The following ARHGEF3 variants were observed in gnomAD, a reference collection of about 807,000 sequenced individuals.
The protein encoded by ARHGEF3 is 59.8 kDA protein.
In ARHGEF3, 28 loss-of-function variants were observed where a neutral mutation model predicts 63.2. That is an observed-to-expected ratio of 0.44 (90% CI 0.33 to 0.61). ARHGEF3 has a LOEUF of 0.61. ARHGEF3 is among the 20% of genes least tolerant of loss of function. The pLI is 0.03. For missense variants in ARHGEF3, 533 were observed against 659.3 expected (o/e 0.81, Z 2.10); for synonymous variants, 266 against 254.2 (o/e 1.05, Z -0.44).
intron 4 of ARHGEF3, among the ~76,000 whole-genome samples, chr3:56,877,946 G>T (rs1342404945): frequency 1.3e-5 from 2 of 152,138 alleles, no homozygotes; most frequent in Non-Finnish European, 2.9e-5. Flanking sequence ...TTAAAGGTTT[G>T]TATATAATGA....
chr3:56,875,128 G>A (rs1289432003), intron 4 of ARHGEF3, among the ~76,000 whole-genome samples: 2 of 152,108 alleles, frequency 1.3e-5, no homozygotes, highest in Non-Finnish European at 2.9e-5. Context: ...TATCCACTCC[G>A]TTTGCCTCAT....
At position 56,745,593 on chromosome 3, in the gene ARHGEF3, C is replaced by T. The variant is rs1038192876; in HGVS notation, c.613-131G>A. 14 of 1,071,038 alleles carry T rather than the reference C, an allele frequency of 1.3e-5. No individual in the cohort carries two copies. The African/African-American group carries it at 2.3e-4, about 17-fold the overall frequency. The allele number at this position is 1,071,038 out of a possible 1,614,324, so 66.3% of individuals were successfully genotyped here. On this transcript the variant is annotated intron_variant, in intron 6 of 9. Transcript: ENST00000296315. ...GGTCTGGCTGACATTCCTTTATCTGCATGGCTGGAGGAAACTAGTGGAATC... is the reference window on the plus strand; with the variant it reads ...GGTCTGGCTGACATTCCTTTATCTGTATGGCTGGAGGAAACTAGTGGAATC...
chr3:56,762,646 A>G (rs1298963453), intron 2 of ARHGEF3, among the ~76,000 whole-genome samples: 1 of 152,118 alleles, frequency 6.6e-6, no homozygotes, highest in Non-Finnish European at 1.5e-5. Context: ...CACAGATAAC[A>G]TGCTCCAATA....
At chr3:56,906,343 A>C (rs1383826995) in intron 3 of ARHGEF3, among the ~76,000 whole-genome samples, 2 of 152,194 alleles carry the variant, frequency 1.3e-5, no homozygotes, top group Non-Finnish European at 2.9e-5. Context: ...CGTCACAAGA[A>C]GCACTTACTG....
At chr3:56,866,339 C>T (rs1011773333) in intron 4 of ARHGEF3, among the ~76,000 whole-genome samples, 3 of 152,082 alleles carry the variant, frequency 2.0e-5, no homozygotes, top group African/African-American at 7.2e-5. Flanking sequence ...TTACCTTTTC[C>T]GAGTAAAACA....
chr3:56,821,962 C>CAAGAAGAGAAGAGAA (rs1352038310), intron 4 of ARHGEF3, among the ~76,000 whole-genome samples: 1 of 118,776 alleles, frequency 8.4e-6, no homozygotes, highest in Non-Finnish European at 1.7e-5. Flanking sequence ...GACTCTGTCT[C>CAAGAAGAGAAGAGAA]GAGAAGAGAA....
chr3:56,855,694 A>G (rs1430278256), intron 4 of ARHGEF3, among the ~76,000 whole-genome samples: 2 of 151,394 alleles, frequency 1.3e-5, no homozygotes, highest in Non-Finnish European at 2.9e-5. Flanking sequence ...AAAAAAAAAA[A>G]GTACTCTGGG....
At chr3:56,959,372 C>T (rs572218566) in intron 2 of ARHGEF3, among the ~76,000 whole-genome samples, 1 of 152,262 alleles carries the variant, frequency 6.6e-6, no homozygotes, top group East Asian at 1.9e-4. Context: ...GCGTAACAAG[C>T]TGAAACTGGT....
chr3:56,754,584 C>T (rs541969698), intron 3 of ARHGEF3, among the ~76,000 whole-genome samples: 25 of 152,182 alleles, frequency 1.6e-4, no homozygotes, highest in Non-Finnish European at 3.1e-4. Context: ...GAAAACTTAC[C>T]GGGAATGAAA....
rs1167405158 is a variant in ARHGEF3, at chr3:56,753,580, T to C, written c.376-14A>G. ...CTCAAAGATCGCCTGCAAGGAAAGA[T>C]AAACATATTCACTGAATTCTCCCTT... On this transcript the variant is annotated splice_polypyrimidine_tract_variant and intron_variant, in intron 3 of 9. Transcript: ENST00000296315. 6 of 1,611,666 alleles carry C rather than the reference T, an allele frequency of 3.7e-6. No individual in the cohort carries two copies. The South Asian group carries it at 5.5e-5, about 15-fold the overall frequency.
Position 56,753,504 on chromosome 3 carries a change from C to T in ARHGEF3, c.438G>A (p.Lys146=), listed in dbSNP as rs944354003. 1.2e-6 allele frequency: 2 copies of T among 1,612,606 alleles called. No individual in the cohort carries two copies. The highest frequency in any genetic ancestry group is 2.2e-5 in the East Asian group (1 of 44,850). Residue 146 remains lysine (K), a splice_region_variant and synonymous_variant, in exon 4 of 10, where the codon AAG becomes AAA. Coordinates refer to ENST00000296315, the MANE Select transcript of ARHGEF3 (RefSeq NM_019555.3). Reference sequence around the variant, plus strand: ...AAGTGACTGCTGGATTTAAATTTACCTTTTTTGCTAATTTCAAGTCTTCTA... The same window carrying T: ...AAGTGACTGCTGGATTTAAATTTACTTTTTTTGCTAATTTCAAGTCTTCTA... ...DLIEDLKLAK[K]AYHDPMLKLS...
intron 3 of ARHGEF3, among the ~76,000 whole-genome samples, chr3:56,947,014 A>G (rs1242752119): frequency 6.6e-6 from 1 of 152,224 alleles, no homozygotes; most frequent in African/African-American, 2.4e-5. Context: ...AGAATTTCAT[A>G]TCCAGCCAAA....
At chr3:56,817,811 C>T (rs1205273335) in intron 4 of ARHGEF3, among the ~76,000 whole-genome samples, 1 of 152,188 alleles carries the variant, frequency 6.6e-6, no homozygotes, top group East Asian at 1.9e-4. Flanking sequence ...CAAAGCTACA[C>T]CCTTCCCCAA....
intron 4 of ARHGEF3, among the ~76,000 whole-genome samples, chr3:56,842,149 C>T (rs955719050): frequency 6.6e-6 from 1 of 152,112 alleles, no homozygotes; most frequent in South Asian, 2.1e-4. Flanking sequence ...TCAGTTCCTC[C>T]CCAACGCCCA....
chr3:57,070,550 A>G lies in ARHGEF3; in HGVS notation c.-28+8676T>C, dbSNP rs115285688. Among the ~76,000 whole-genome samples the G allele has an allele frequency of 9.3e-3, 1,422 of 152,342 alleles. 37 individuals carry two copies. The highest frequency in any genetic ancestry group is 0.032 in the African/African-American group (1,350 of 41,574). On this transcript the variant is annotated intron_variant, in intron 1 of 12. Coordinates refer to the ARHGEF3 transcript ENST00000338458. The stretch of plus-strand genomic sequence containing the variant: ...ATTGTTAAGATGGCAAAACTCCCCA[A>G]GTGATCTACAGAGTCAATGTAACCC...
intron 3 of ARHGEF3, among the ~76,000 whole-genome samples, chr3:56,892,755 T>C (rs1449933578): frequency 1.3e-5 from 2 of 152,254 alleles, no homozygotes; most frequent in African/African-American, 4.8e-5. Flanking sequence ...GTTGTCAGTT[T>C]TTCGTTCACT....
chr3:56,749,916 C>CGAGCGAGACTCCGTCTCAAAAAAAAAAAA (rs2034624188), intron 6 of ARHGEF3, among the ~76,000 whole-genome samples: 2 of 152,014 alleles, frequency 1.3e-5, no homozygotes, highest in Admixed American at 6.6e-5. Context: ...ACTTTCTGCA[C>CGAGCGAGACTCCGTCTCAAAAAAAAAAAA]ATCTATGTGT....
intron 2 of ARHGEF3, among the ~76,000 whole-genome samples, chr3:57,002,500 A>ATATATATATGTTATATATATATATGT: frequency 1.7e-5 from 1 of 60,122 alleles, no homozygotes; most frequent in African/African-American, 6.2e-5. Context: ...TATATATGTT[A>ATATATATATGTTATATATATATATGT]TATATATATA....
chr3:56,996,088 T>C (rs734651), intron 2 of ARHGEF3, among the ~76,000 whole-genome samples: 47,781 of 151,962 alleles, frequency 0.31, 8,133 homozygotes, highest in Middle Eastern at 0.38. Flanking sequence ...TTGCCTTTAA[T>C]CCCCATCATC....
Sources: allele counts gnomAD v4.1 joint callset (sites outside exome capture counted in the v4.1 genomes callset), GRCh38; gene constraint gnomAD v4.1.1; transcripts MANE v1.5; gene names NCBI Gene and HGNC (gene_info 2026-07-23, HGNC 2026-07-21).